Variants in KRABD1 observed in about 807,000 individuals in gnomAD.
The protein encoded by KRABD1 is KRAB domain-containing protein 1.
At chr3:42,939,683 G>T in the KRABD1 span, among the ~76,000 whole-genome samples, 1 of 152,004 alleles carries the variant, frequency 6.6e-6, no homozygotes, top group Non-Finnish European at 1.5e-5. Context: ...TCTGTCAGCC[G>T]TGTACAGTTG....
At chr3:42,942,019 C>G in the KRABD1 span, 2 of 1,536,016 alleles carry the variant, frequency 1.3e-6, no homozygotes, top group Admixed American at 2.0e-5. Flanking sequence ...AGTCCTGTTT[C>G]ACCCAGCCAC....
chr3:42,941,988 C>T, the KRABD1 span: 1 of 1,535,986 alleles, frequency 6.5e-7, no homozygotes, highest in Non-Finnish European at 8.7e-7. Flanking sequence ...GCTTTGGTCT[C>T]TCATCTGGAG....
At chr3:42,942,005 A>G in the KRABD1 span, 6 of 1,535,990 alleles carry the variant, frequency 3.9e-6, no homozygotes, top group Non-Finnish European at 5.2e-6. Flanking sequence ...GGAGCAAGGG[A>G]AAGAGTCCTG....
chr3:42,936,913 G>A, the KRABD1 span: 1 of 152,058 alleles, frequency 6.6e-6, no homozygotes, highest in Non-Finnish European at 1.5e-5. Context: ...TGTTACTGTC[G>A]TAGAGCAACC....
chr3:42,938,777 G>A, the KRABD1 span: 2 of 577,160 alleles, frequency 3.5e-6, no homozygotes, highest in Non-Finnish European at 3.0e-6. Context: ...CAAAACAGAT[G>A]GGTCAGAGGT....
At chr3:42,942,638 A>G in the KRABD1 span, 4 of 1,344,200 alleles carry the variant, frequency 3.0e-6, no homozygotes, top group Non-Finnish European at 3.0e-6. Context: ...AAGACAGGAG[A>G]AAAGCTTAAT....
the KRABD1 span, chr3:42,942,681 G>A: frequency 1.2e-6 from 1 of 835,816 alleles, no homozygotes; most frequent in Non-Finnish European, 1.8e-6. Context: ...TTCCAAGTAA[G>A]GAGTTGATGT....
At chr3:42,939,042 A>AT in the KRABD1 span, 1 of 753,370 alleles carries the variant, frequency 1.3e-6, no homozygotes, top group Non-Finnish European at 2.1e-6. Flanking sequence ...TATATAACAT[A>AT]CTTTTATATA....
At chr3:42,939,052 ATGTG>A in the KRABD1 span, 1 of 657,044 alleles carries the variant, frequency 1.5e-6, no homozygotes, top group Admixed American at 2.7e-5. Flanking sequence ...ACTTTTATAT[ATGTG>A]TGTATGTGTA....
At chr3:42,940,604 G>T in the KRABD1 span, among the ~76,000 whole-genome samples, 1 of 152,064 alleles carries the variant, frequency 6.6e-6, no homozygotes, top group Non-Finnish European at 1.5e-5. Context: ...GGCCTATCTT[G>T]AGCCTTATGC....
At chr3:42,937,336 G>A in the KRABD1 span, 2 of 152,174 alleles carry the variant, frequency 1.3e-5, no homozygotes, top group African/African-American at 2.4e-5. Flanking sequence ...CTTCCATAGG[G>A]AGTGTTTTGT....
the KRABD1 span, among the ~76,000 whole-genome samples, chr3:42,939,926 A>C: frequency 6.6e-6 from 1 of 152,136 alleles, no homozygotes; most frequent in Non-Finnish European, 1.5e-5. Context: ...TTTGTCAGAC[A>C]TATGTGTTAT....
chr3:42,936,614 C>T, the KRABD1 span: 2 of 152,362 alleles, frequency 1.3e-5, no homozygotes, highest in East Asian at 1.9e-4. Flanking sequence ...TCCCACCCCC[C>T]TCGTTTCCCT....
chr3:42,941,190 A>C, the KRABD1 span: 1 of 1,534,846 alleles, frequency 6.5e-7, no homozygotes, highest in South Asian at 1.2e-5. Context: ...TCACCAAAGT[A>C]CTGAGGTCTG....
chr3:42,939,065 TAC>T, the KRABD1 span: 18 of 593,026 alleles, frequency 3.0e-5, no homozygotes, highest in Admixed American at 8.6e-5. Flanking sequence ...TGTGTATGTG[TAC>T]ACACACACAT....
the KRABD1 span, chr3:42,938,797 G>T: frequency 3.8e-6 from 3 of 788,602 alleles, no homozygotes; most frequent in South Asian, 1.8e-5. Flanking sequence ...TTGTTTGTAG[G>T]ACTTATGGTC....
chr3:42,939,032 T>C, the KRABD1 span: 3 of 843,846 alleles, frequency 3.6e-6, 1 homozygote, highest in South Asian at 3.8e-5. Context: ...CATTTACATA[T>C]ATATAACATA....
chr3:42,941,271 G>A, the KRABD1 span: 1 of 1,589,924 alleles, frequency 6.3e-7, no homozygotes, highest in Non-Finnish European at 8.5e-7. Flanking sequence ...CACTACGAAG[G>A]AATGGGCCAT....
chr3:42,938,959 A>G, the KRABD1 span: 3 of 1,516,226 alleles, frequency 2.0e-6, no homozygotes, highest in African/African-American at 4.1e-5. Flanking sequence ...ATCTCTGTAC[A>G]TATCCCTGTG....
Sources: gnomAD v4.1 joint callset for allele counts (sites outside exome capture counted in the v4.1 genomes callset) on GRCh38, gnomAD v4.1.1 for gene constraint, MANE v1.5 for transcripts, NCBI Gene and HGNC (gene_info 2026-07-23, HGNC 2026-07-21) for gene names.